The following PARD6G variants were observed in gnomAD, a reference collection of about 807,000 sequenced individuals.
PARD6G encodes the protein par-6 family cell polarity regulator gamma.
Under a neutral mutation model 10.7 loss-of-function variants are expected in PARD6G, and 7 were observed. That is an observed-to-expected ratio of 0.66 (90% CI 0.37 to 1.23). PARD6G has a LOEUF of 1.23. Ranked by LOEUF, PARD6G falls within the 50% of genes most tolerant of loss-of-function variation. The pLI is 0.02. For missense variants in PARD6G, 548 were observed against 571.8 expected, an observed-to-expected ratio of 0.96 and a Z score of 0.42; for synonymous variants, 287 against 269.4, an observed-to-expected ratio of 1.07 and a Z score of -0.64.
At position 80,160,485 on chromosome 18, in the gene PARD6G, G is replaced by T; in HGVS notation, c.417C>A (p.Asp139Glu). Residue 139 changes from aspartate (D) to glutamate (E), a missense_variant, in exon 3 of 3, where the codon GAC becomes GAA. Asp to Glu is a conservative substitution (Grantham distance 45, BLOSUM62 2). Transcript: ENST00000353265. ...CGATGATGGATGATACGGGGCGGAA[G>T]TCGCGCGGGAGGCCGATGTCCAGGT... ...RAHLDIGLPR[D>E]FRPVSSIIDV... 1.3e-6 allele frequency: 2 copies of T among 1,553,136 alleles called. No homozygotes were observed. The highest frequency in any genetic ancestry group is 1.7e-4 in the Middle Eastern group (1 of 5,846).
chr18:80,186,933 C>T (rs1248117388), intron 2 of PARD6G, among the ~76,000 whole-genome samples: 1 of 152,092 alleles, frequency 6.6e-6, no homozygotes, highest in African/African-American at 2.4e-5. Context: ...CCCGTCTCTA[C>T]TAAAAATACA....
intron 1 of PARD6G, among the ~76,000 whole-genome samples, chr18:80,244,495 A>C (rs1025580931): frequency 7.9e-5 from 12 of 152,178 alleles, no homozygotes. Context: ...TGAATGACAA[A>C]AATTCTGAGA....
At chr18:80,217,689 C>CA (rs1438926063) in intron 1 of PARD6G, among the ~76,000 whole-genome samples, 1 of 152,052 alleles carries the variant, frequency 6.6e-6, no homozygotes, top group Non-Finnish European at 1.5e-5. Context: ...TCAAGGTCAC[C>CA]AAAAACAAGA....
rs561932934 is a variant in PARD6G at position 80,188,817 on chromosome 18, C to A, written c.295+13893G>T. Among the ~76,000 whole-genome samples the A allele has an allele frequency of 2.0e-5, 3 of 152,192 alleles. No individual in the cohort carries two copies. Among genetic ancestry groups the A allele is most frequent in the Non-Finnish European group, 2.9e-5 (2 of 68,036 alleles). On this transcript the variant is annotated intron_variant, in intron 2 of 2. Coordinates refer to ENST00000353265, the MANE Select transcript of PARD6G (RefSeq NM_032510.4). The surrounding 1 kb of genome is among the most constrained non-coding windows in gnomAD (Gnocchi z 5.4). ...CAGGCATGTGGGAGAGACAAGCCCA[C>A]GAGATGGGCTTGCGGGGAAGTCAGG...
In PARD6G at chr18:80,183,206, G is replaced by C. The variant is rs908680650; in HGVS notation, c.295+19504C>G. The C allele has an allele frequency of 7.1e-6, 5 of 702,792 alleles. No homozygotes were observed. Among genetic ancestry groups the C allele is most frequent in the African/African-American group, 1.7e-5 (1 of 57,380 alleles). The allele number at this position is 702,792 out of a possible 1,614,324, so 43.5% of individuals were successfully genotyped here. ...CCTTGCAATGTGAAAGGGTGGGAGA[G>C]AGAAAGCCAGAGAGACTTCTGCAAA... is the stretch of plus-strand genomic sequence containing the variant. On this transcript the variant is annotated intron_variant, in intron 2 of 2. Coordinates refer to ENST00000353265, the MANE Select transcript of PARD6G (RefSeq NM_032510.4). This position sits in a 1 kb window ranked among gnomAD's most constrained non-coding sequence, Gnocchi z 4.5.
rs1205260083 is a variant in PARD6G at position 80,200,881 on chromosome 18, C to G, written c.295+1829G>C. Among the ~76,000 whole-genome samples the G allele has an allele frequency of 6.6e-6, 1 of 152,202 alleles. No homozygotes were observed. Among genetic ancestry groups the G allele is most frequent in the Non-Finnish European group, 1.5e-5 (1 of 68,036 alleles). ...GGGTGCCAAGACGCCTGGGGCCCAC[C>G]TCCAAAGGGCACAGTGCCTTCTGCT... is the stretch of plus-strand genomic sequence containing the variant. On this transcript the variant is annotated intron_variant, in intron 2 of 2. Coordinates refer to ENST00000353265, the MANE Select transcript of PARD6G (RefSeq NM_032510.4). The surrounding 1 kb of genome is among the most constrained non-coding windows in gnomAD (Gnocchi z 4.4).
intron 1 of PARD6G, among the ~76,000 whole-genome samples, chr18:80,205,954 A>C (rs1456495164): frequency 6.6e-6 from 1 of 152,232 alleles, no homozygotes; most frequent in Admixed American, 6.5e-5. Context: ...CTTCAGTATC[A>C]CCGCAAAGGG....
intron 2 of PARD6G, among the ~76,000 whole-genome samples, chr18:80,191,976 C>T (rs1966901774): frequency 1.3e-5 from 2 of 152,176 alleles, no homozygotes; most frequent in African/African-American, 4.8e-5. Flanking sequence ...ACAAACCAGC[C>T]TCCAAAGCCA....
At position 80,228,244 on chromosome 18, in the gene PARD6G, G is replaced by C. The variant is rs1967316891; in HGVS notation, c.72+19033C>G. On this transcript the variant is annotated intron_variant, in intron 1 of 2. Transcript: ENST00000353265. The surrounding 1 kb of genome is among the most constrained non-coding windows in gnomAD (Gnocchi z 4.6). Reference sequence around the variant, plus strand: ...CATCCCACGGGGGAGACGGCAGCGAGCAGAGAGACCCCAAGTGAAAACTGC... The same window carrying C: ...CATCCCACGGGGGAGACGGCAGCGACCAGAGAGACCCCAAGTGAAAACTGC... Among the ~76,000 whole-genome samples, 1 of 152,110 alleles carries C rather than the reference G, an allele frequency of 6.6e-6. No homozygotes were observed. Among genetic ancestry groups the C allele is most frequent in the Non-Finnish European group, 1.5e-5 (1 of 68,024 alleles).
At chr18:80,221,469 TA>T (rs1360939366) in intron 1 of PARD6G, among the ~76,000 whole-genome samples, 1 of 152,162 alleles carries the variant, frequency 6.6e-6, no homozygotes, top group Non-Finnish European at 1.5e-5. Context: ...ATCATGTCAA[TA>T]GATACAAAAA....
At chr18:80,232,481 A>G (rs1028985040) in intron 1 of PARD6G, among the ~76,000 whole-genome samples, 5 of 152,146 alleles carry the variant, frequency 3.3e-5, no homozygotes, top group Admixed American at 6.5e-5. Context: ...GGTGAAAGGC[A>G]CTTCTTACAT....
chr18:80,178,818 C>T (rs186779673), intron 2 of PARD6G, among the ~76,000 whole-genome samples: 1 of 123,122 alleles, frequency 8.1e-6, no homozygotes, highest in East Asian at 2.7e-4. Flanking sequence ...CCCTCCTTTG[C>T]CCTGCCCCAT....
intron 1 of PARD6G, among the ~76,000 whole-genome samples, chr18:80,239,786 C>T (rs1048401583): frequency 9.9e-5 from 15 of 152,240 alleles, no homozygotes; most frequent in African/African-American, 2.9e-4. Flanking sequence ...AGGCCACTGA[C>T]GCCTCTCAGG....
At chr18:80,245,397 A>G (rs73494450) in intron 1 of PARD6G, among the ~76,000 whole-genome samples, 3 of 152,212 alleles carry the variant, frequency 2.0e-5, no homozygotes, top group African/African-American at 4.8e-5. Flanking sequence ...GGCAGCAGGA[A>G]GGATCCTAGG....
chr18:80,221,545 G>A (rs1170417967), intron 1 of PARD6G, among the ~76,000 whole-genome samples: 4 of 152,086 alleles, frequency 2.6e-5, no homozygotes, highest in Non-Finnish European at 5.9e-5. Flanking sequence ...GGAATAGAAA[G>A]AGACTTCTTC....
chr18:80,188,943 G>A lies in PARD6G; in HGVS notation c.295+13767C>T, dbSNP rs2052893826. On this transcript the variant is annotated intron_variant, in intron 2 of 2. Transcript: ENST00000353265. This position sits in a 1 kb window ranked among gnomAD's most constrained non-coding sequence, Gnocchi z 5.4. ...ACCTGGGGGGTGAATGCAGACATGG[G>A]AAGAGTAGTGCTCATCCCAGCAGAG... Among the ~76,000 whole-genome samples, 1 of 152,216 alleles carries A rather than the reference G, an allele frequency of 6.6e-6. No homozygotes were observed. The highest frequency in any genetic ancestry group is 1.5e-5 in the Non-Finnish European group (1 of 68,044).
chr18:80,160,281 G>T lies in PARD6G; in HGVS notation c.621C>A (p.Thr207=), dbSNP rs776313209. 3.7e-6 allele frequency: 6 copies of T among 1,612,146 alleles called. No homozygotes were observed. The South Asian group carries it at 6.6e-5, about 18-fold the overall frequency. The change falls in exon 3 of 3, where the codon ACC becomes ACA. Residue 207 remains threonine (T), a synonymous_variant. Transcript: ENST00000353265. ...RMVPGGLAES[T]GLLAVNDEVL... ...CCTCGTCATTCACAGCCAGCAGCCC[G>T]GTGCTCTCCGCCAGGCCCCCGGGTA...
chr18:80,176,391 C>T (rs934664291), intron 2 of PARD6G, among the ~76,000 whole-genome samples: 1 of 152,170 alleles, frequency 6.6e-6, no homozygotes, highest in Middle Eastern at 3.2e-3. Flanking sequence ...AAGCCAGTAC[C>T]TCTTTATTTC....
chr18:80,214,209 G>A (rs957501015), intron 1 of PARD6G, among the ~76,000 whole-genome samples: 5 of 152,190 alleles, frequency 3.3e-5, no homozygotes, highest in African/African-American at 1.2e-4. Flanking sequence ...TGTAATCCCA[G>A]CACTTTGGGA....
Sources: allele counts gnomAD v4.1 joint callset (sites outside exome capture counted in the v4.1 genomes callset), GRCh38; gene constraint gnomAD v4.1.1; non-coding constraint Gnocchi (gnomAD v3.1); transcripts MANE v1.5; gene names NCBI Gene and HGNC (gene_info 2026-07-23, HGNC 2026-07-21).